STK31: variants seen among roughly 807,000 people sequenced by gnomAD.
STK31 encodes the protein serine/threonine kinase 31.
Under a neutral mutation model 129.7 loss-of-function variants are expected in STK31, and 89 were observed. The observed-to-expected ratio is 0.69, with a 90% CI of 0.58 to 0.82. STK31 has a LOEUF of 0.82. Among genes scored for constraint, STK31 ranks in the 40% least tolerant of loss-of-function variants. The pLI, the probability that STK31 is intolerant of heterozygous loss-of-function variation, is 0.00. For missense variants in STK31, 1,187 were observed against 1,176.4 expected (o/e 1.01, Z -0.13); for synonymous variants, 448 against 395.3 (o/e 1.13, Z -1.58).
At chr7:23,720,120 C>T (rs1460192373) in intron 4 of STK31, among the ~76,000 whole-genome samples, 2 of 151,954 alleles carry the variant, frequency 1.3e-5, no homozygotes, top group African/African-American at 2.4e-5. Context: ...GGATGGTTTA[C>T]GTGTGTGATA....
At chr7:23,731,954 A>G (rs191112686) in intron 6 of STK31, among the ~76,000 whole-genome samples, 1 of 152,362 alleles carries the variant, frequency 6.6e-6, no homozygotes, top group East Asian at 1.9e-4. Context: ...AAAAAGTGAC[A>G]TTCATCTTTT....
chr7:23,744,501 T>C (rs1195365168), intron 8 of STK31, among the ~76,000 whole-genome samples: 2 of 152,170 alleles, frequency 1.3e-5, no homozygotes, highest in Non-Finnish European at 2.9e-5. Flanking sequence ...CCTTTGGAGT[T>C]ATATTTTCTT....
At chr7:23,785,429 G>A (rs1562600265) in intron 17 of STK31, 49 bp from the exon 18 acceptor site, 5 of 1,594,124 alleles carry the variant, frequency 3.1e-6, no homozygotes, top group East Asian at 4.5e-5. Context: ...TGATTTTTAA[G>A]TGCTGGGATT....
intron 23 of STK31, among the ~76,000 whole-genome samples, chr7:23,827,207 C>T (rs1352875231): frequency 1.3e-5 from 2 of 152,190 alleles, no homozygotes; most frequent in African/African-American, 4.8e-5. Context: ...AACTTGGTTC[C>T]ATTCTCTTCG....
intron 22 of STK31, chr7:23,811,592 G>A (rs560561623): frequency 3.3e-5 from 6 of 184,514 alleles, no homozygotes; most frequent in Non-Finnish European, 5.8e-5. Flanking sequence ...CCTGTTTGCA[G>A]TATCTCAGAT....
Position 23,790,844 on chromosome 7 carries a change from C to A in STK31, c.2658C>A (p.Asn886Lys). The A allele has an allele frequency of 6.2e-7, 1 of 1,603,042 alleles. No homozygotes were observed. The highest frequency in any genetic ancestry group is 2.3e-5 in the East Asian group (1 of 44,412). ...TKSVSQRASV[N>K]MMVGDLSLMS... The stretch of plus-strand genomic sequence containing the variant: ...TGCAGAGTCAGCGAGCCTCGGTGAA[C>A]ATGATGGTTGGTGACTTGAGTTTGA... Residue 886 changes from asparagine to lysine, a missense_variant, in exon 22 of 24, where the codon AAC becomes AAA. Physicochemically the swap from Asn to Lys is moderately conservative, Grantham distance 94. This residue lies in a region of STK31 where 975 missense variants were observed against 934.9 expected (regional missense o/e 1.04). Transcript: ENST00000355870.
chr7:23,741,968 T>TG (rs1480112658), intron 8 of STK31, among the ~76,000 whole-genome samples: 2 of 152,214 alleles, frequency 1.3e-5, no homozygotes, highest in Non-Finnish European at 2.9e-5. Flanking sequence ...GCCTGTGCCC[T>TG]GGGATACTGG....
At chr7:23,826,253 C>A (rs943876809) in intron 23 of STK31, among the ~76,000 whole-genome samples, 2 of 152,044 alleles carry the variant, frequency 1.3e-5, no homozygotes, top group Non-Finnish European at 2.9e-5. Flanking sequence ...GTAGGTCACT[C>A]AGGACTTGCT....
Position 23,786,590 on chromosome 7 carries a change from G to A in STK31, c.2357G>A (p.Gly786Glu). Residue 786 changes from glycine to glutamate, a missense_variant, in exon 19 of 24, where the codon GGA (glycine) becomes GAA (glutamate). By Grantham distance (98) the Gly-to-Glu change is moderately conservative. Coordinates refer to ENST00000355870, the MANE Select transcript of STK31 (RefSeq NM_031414.5). ...TYHRAWREAE[G>E]DSGLLPLIFL... Reference sequence around the variant, plus strand: ...CATAGAGCTTGGAGAGAAGCTGAAGGAGACTCAGGGTTACTGCCATTGATA... The same window carrying A: ...CATAGAGCTTGGAGAGAAGCTGAAGAAGACTCAGGGTTACTGCCATTGATA... 1.9e-6 allele frequency: 3 copies of A among 1,613,770 alleles called. No homozygotes were observed. The highest frequency in any genetic ancestry group is 2.5e-6 in the Non-Finnish European group (3 of 1,179,832).
At chr7:23,795,242 C>A (rs1421600328) in intron 22 of STK31, among the ~76,000 whole-genome samples, 2 of 152,182 alleles carry the variant, frequency 1.3e-5, no homozygotes, top group Admixed American at 1.3e-4. Context: ...CCCACCTGCT[C>A]CAGTCATGGC....
At chr7:23,793,948 TG>T (rs1254169980) in intron 22 of STK31, among the ~76,000 whole-genome samples, 1 of 152,238 alleles carries the variant, frequency 6.6e-6, no homozygotes, top group Non-Finnish European at 1.5e-5. Flanking sequence ...AAAGAATTTA[TG>T]TGTAATAGAT....
chr7:23,729,486 A>G (rs1787269896), intron 6 of STK31, among the ~76,000 whole-genome samples: 1 of 151,514 alleles, frequency 6.6e-6, no homozygotes, highest in African/African-American at 2.4e-5. Context: ...TCTGATGTAA[A>G]TGTTTAAAAG....
At chr7:23,783,553 C>T (rs752184256) in intron 16 of STK31, 30 bp from the exon 17 acceptor site, 4 of 1,542,634 alleles carry the variant, frequency 2.6e-6, no homozygotes, top group African/African-American at 1.4e-5. Context: ...TATTGATCTA[C>T]AGTTAAAAAC....
chr7:23,730,878 A>ATATATTTTTTTTTTTTTT, intron 6 of STK31, among the ~76,000 whole-genome samples: 1 of 59,554 alleles, frequency 1.7e-5, no homozygotes, highest in Non-Finnish European at 3.3e-5. Flanking sequence ...ATATATATAT[A>ATATATTTTTTTTTTTTTT]TTTTTTTTTT....
At chr7:23,723,955 G>GC (rs1241035899) in intron 4 of STK31, among the ~76,000 whole-genome samples, 5 of 152,174 alleles carry the variant, frequency 3.3e-5, no homozygotes, top group African/African-American at 4.8e-5. Context: ...AATTCTCTCG[G>GC]CCCGGAGGAA....
chr7:23,823,672 C>T (rs944429507), intron 23 of STK31, among the ~76,000 whole-genome samples: 3 of 152,148 alleles, frequency 2.0e-5, no homozygotes, highest in African/African-American at 4.8e-5. Context: ...AGTCCTTGTC[C>T]ATGCCTATGT....
At chr7:23,753,433 C>G (rs1316212819) in intron 9 of STK31, among the ~76,000 whole-genome samples, 1 of 152,126 alleles carries the variant, frequency 6.6e-6, no homozygotes, top group African/African-American at 2.4e-5. Flanking sequence ...CCTTAATGCT[C>G]TGAGCTGCTG....
intron 23 of STK31, among the ~76,000 whole-genome samples, chr7:23,818,480 G>T (rs933579526): frequency 3.9e-5 from 6 of 151,976 alleles, no homozygotes; most frequent in Admixed American, 3.3e-4. Context: ...GTATGTACAG[G>T]GGTATATTTT....
chr7:23,740,071 C>A (rs1459264353), intron 8 of STK31, among the ~76,000 whole-genome samples: 1 of 152,070 alleles, frequency 6.6e-6, no homozygotes, highest in East Asian at 1.9e-4. Flanking sequence ...GGCAGTGTGG[C>A]CATTTTCATG....
Sources: allele counts gnomAD v4.1 joint callset (sites outside exome capture counted in the v4.1 genomes callset), GRCh38; gene constraint gnomAD v4.1.1; regional missense constraint gnomAD v4.1.1; transcripts MANE v1.5; gene names NCBI Gene and HGNC (gene_info 2026-07-23, HGNC 2026-07-21).